Variants in NRG1 observed in about 807,000 individuals in gnomAD.
The protein encoded by NRG1 is pro-neuregulin-1, membrane-bound isoform.
In NRG1, 18 loss-of-function variants were observed where a neutral mutation model predicts 63.8. The ratio of observed to expected loss-of-function variants is 0.28; its 90% CI spans 0.19 to 0.42. NRG1 has a LOEUF of 0.42. Ranked by LOEUF, NRG1 falls within the 10% of genes least tolerant of loss-of-function variation. NRG1 has a pLI of 1.00. For missense variants in NRG1, 762 were observed against 814.7 expected, an observed-to-expected ratio of 0.94 and a Z score of 0.79; for synonymous variants, 302 against 301.3, an observed-to-expected ratio of 1.00 and a Z score of -0.02.
intron 1 of NRG1, among the ~76,000 whole-genome samples, chr8:32,046,395 T>G (rs1321116151): frequency 6.6e-6 from 1 of 152,066 alleles, no homozygotes; most frequent in African/African-American, 2.4e-5. Flanking sequence ...TGGCAATTTC[T>G]CAGAAAGGTG....
At chr8:31,795,092 G>A (rs534594850) in intron 1 of NRG1, among the ~76,000 whole-genome samples, 5 of 152,114 alleles carry the variant, frequency 3.3e-5, no homozygotes, top group African/African-American at 4.8e-5. Context: ...TATGAGCCAC[G>A]GTGCCCAGCC....
intron 1 of NRG1, among the ~76,000 whole-genome samples, chr8:32,032,855 T>A (rs893576741): frequency 2.0e-5 from 3 of 152,198 alleles, no homozygotes; most frequent in Non-Finnish European, 4.4e-5. Flanking sequence ...TGTGCCCATG[T>A]CCTAAATGGT....
At position 32,357,913 on chromosome 8, in the gene NRG1, C is replaced by G. The variant is rs150396883; in HGVS notation, c.38-237915C>G. Among the ~76,000 whole-genome samples the G allele has an allele frequency of 3.3e-3, 499 of 152,244 alleles. 1 individual carries two copies. Among genetic ancestry groups the G allele is most frequent in the African/African-American group, 0.011 (466 of 41,548 alleles). On this transcript the variant is annotated intron_variant, in intron 1 of 10. Transcript: ENST00000519301. The stretch of plus-strand genomic sequence containing the variant: ...GTGGCAGACTGCCAGTTGCCTTCCC[C>G]AGCATAACATTTTCCCAATATTCAT...
At chr8:32,759,738 T>G (rs2129057552) in intron 10 of NRG1, among the ~76,000 whole-genome samples, 1 of 152,310 alleles carries the variant, frequency 6.6e-6, no homozygotes, top group South Asian at 2.1e-4. Flanking sequence ...AGTCAATTTC[T>G]TTCAGTAATT....
At chr8:31,819,406 T>C (rs1180364000) in intron 1 of NRG1, among the ~76,000 whole-genome samples, 1 of 152,252 alleles carries the variant, frequency 6.6e-6, no homozygotes, top group African/African-American at 2.4e-5. Context: ...GGTTGGTCTA[T>C]ACATCTAATG....
rs869193870 is a variant in NRG1, at chr8:31,830,361, CCCT to C, written c.37+190934_37+190936del. Among the ~76,000 whole-genome samples the C allele has an allele frequency of 8.7e-5, 4 of 46,068 alleles. No homozygotes were observed. In the South Asian group the frequency reaches 4.9e-3, roughly 57 times the overall value. 30.2% of individuals were successfully genotyped at this position (46,068 alleles called of 152,430 possible). A position where few individuals can be genotyped will look rare whatever the true frequency, so the allele number is the denominator to read the frequency against. ...TCCTTCCTTCCTTCCTTCCTTCCTT[CCCT>C]CCTTCCCTCCTTCCCTCCTTCCCTC... On this transcript the variant is annotated intron_variant, in intron 1 of 10. Transcript: ENST00000519301.
intron 1 of NRG1, among the ~76,000 whole-genome samples, chr8:32,087,965 A>G (rs1217982580): frequency 6.6e-6 from 1 of 152,144 alleles, no homozygotes; most frequent in Non-Finnish European, 1.5e-5. Context: ...TACTTCCCTC[A>G]TAGCTTATCT....
rs1804868567 is a variant in NRG1, at chr8:31,651,778, A to G, written c.37+12347A>G. Among the ~76,000 whole-genome samples, 6 of 152,172 alleles carry G rather than the reference A, an allele frequency of 3.9e-5. No individual in the cohort carries two copies. In the South Asian group the frequency reaches 1.2e-3, roughly 32 times the overall value. ...AGGATGGGCAGGGCTTAGCTGGGCT[A>G]GGTCCATTTTTTTTTTCCTTCAGTT... On this transcript the variant is annotated intron_variant, in intron 1 of 10. Transcript: ENST00000519301.
At chr8:32,440,160 C>G (rs1819351400) in intron 1 of NRG1, among the ~76,000 whole-genome samples, 2 of 152,192 alleles carry the variant, frequency 1.3e-5, no homozygotes, top group Middle Eastern at 3.4e-3. Flanking sequence ...ACCATCAGAT[C>G]TCGAGATAAC....
chr8:32,296,314 G>A (rs891660919), intron 1 of NRG1, among the ~76,000 whole-genome samples: 7 of 152,136 alleles, frequency 4.6e-5, no homozygotes, highest in Non-Finnish European at 1.0e-4. Flanking sequence ...TAATGGCCAG[G>A]TGCGGTGGCT....
intron 1 of NRG1, among the ~76,000 whole-genome samples, chr8:32,303,826 C>G (rs553379710): frequency 3.3e-5 from 5 of 152,082 alleles, no homozygotes; most frequent in Admixed American, 2.6e-4. Context: ...ATGAAGAAAC[C>G]TAACACTCTG....
chr8:32,614,600 GA>G, intron 4 of NRG1, 36 bp downstream of exon 4: 5 of 1,599,982 alleles, frequency 3.1e-6, no homozygotes, highest in Middle Eastern at 1.7e-4. Context: ...TTACTAACCA[GA>G]ATGACAACCA....
chr8:32,071,266 T>C (rs1164623187), intron 1 of NRG1, among the ~76,000 whole-genome samples: 7 of 152,210 alleles, frequency 4.6e-5, no homozygotes, highest in Non-Finnish European at 8.8e-5. Flanking sequence ...TAAATATCTT[T>C]GTAAATAAAT....
chr8:31,915,176 T>G (rs535889379), intron 1 of NRG1, among the ~76,000 whole-genome samples: 100 of 152,082 alleles, frequency 6.6e-4, no homozygotes, highest in African/African-American at 2.2e-3. Context: ...TGAGGACTGG[T>G]GATTCAAAAA....
intron 1 of NRG1, among the ~76,000 whole-genome samples, chr8:31,967,860 C>A (rs866813410): frequency 5.3e-5 from 8 of 152,338 alleles, no homozygotes; most frequent in Middle Eastern, 3.4e-3. Context: ...TACTAAAGTA[C>A]CGTCTTGGAG....
intron 1 of NRG1, among the ~76,000 whole-genome samples, chr8:32,275,716 G>A (rs1051182709): frequency 6.6e-6 from 1 of 152,032 alleles, no homozygotes; most frequent in African/African-American, 2.4e-5. Flanking sequence ...CAGTGTCTGC[G>A]CAAATCCCCC....
chr8:32,550,323 G>A (rs374438289), intron 1 of NRG1, among the ~76,000 whole-genome samples: 1 of 152,076 alleles, frequency 6.6e-6, no homozygotes, highest in East Asian at 1.9e-4. Flanking sequence ...TTGGGGAGCT[G>A]GATTAGTTAC....
At chr8:32,567,879 G>A (rs1012543454) in intron 1 of NRG1, among the ~76,000 whole-genome samples, 2 of 152,196 alleles carry the variant, frequency 1.3e-5, no homozygotes, top group African/African-American at 2.4e-5. Flanking sequence ...TGCTCTTACT[G>A]CTGTTAGAGT....
At chr8:31,789,942 A>G (rs1400190349) in intron 1 of NRG1, among the ~76,000 whole-genome samples, 2 of 152,194 alleles carry the variant, frequency 1.3e-5, no homozygotes, top group Admixed American at 6.5e-5. Context: ...ATGGCATACT[A>G]TGATCTTTTT....
Sources: gnomAD v4.1 joint callset for allele counts (sites outside exome capture counted in the v4.1 genomes callset) on GRCh38, gnomAD v4.1.1 for gene constraint, MANE v1.5 for transcripts, NCBI Gene and HGNC (gene_info 2026-07-23, HGNC 2026-07-21) for gene names.